DYNLRB2: variants seen among roughly 807,000 people sequenced by gnomAD.
DYNLRB2 encodes dynein light chain roadblock-type 2.
Under a neutral mutation model 12.6 loss-of-function variants are expected in DYNLRB2, and 14 were observed. The ratio of observed to expected loss-of-function variants is 1.11; its 90% CI spans 0.73 to 1.73. The LOEUF is 1.73. Among genes scored for constraint, DYNLRB2 ranks in the 40% most tolerant of loss-of-function variants. The probability of loss-of-function intolerance (pLI) is 0.00; values close to 1 mark genes in which losing one functional copy is unlikely to be tolerated. For synonymous variants in DYNLRB2, 53 were observed against 37.0 expected, an observed-to-expected ratio of 1.43 and a Z score of -1.57; for missense variants, 142 against 117.7, an observed-to-expected ratio of 1.21 and a Z score of -0.95.
intron 2 of DYNLRB2, among the ~76,000 whole-genome samples, chr16:80,544,273 G>C (rs879888235): frequency 2.0e-5 from 3 of 152,168 alleles, no homozygotes; most frequent in Non-Finnish European, 4.4e-5. Context: ...AATAATTGTT[G>C]AGTGCTTGGC....
Position 80,549,568 on chromosome 16 carries a change from G to T in DYNLRB2, c.164G>T (p.Ser55Ile), listed in dbSNP as rs753198482. ...CATCACCTGACAATGAAAGCCAAAA[G>T]CACAGTTCGTGATATTGATCCTCAG... Reference protein sequence around the residue: ...LLHHLTMKAKSTVRDIDPQND... With the variant: ...LLHHLTMKAKITVRDIDPQND... The change falls in exon 3 of 4, where the codon AGC becomes ATC. Residue 55 changes from serine (S) to isoleucine (I), a missense_variant. By Grantham distance (142) the Ser-to-Ile change is moderately radical. Transcript: ENST00000305904. The T allele has an allele frequency of 5.0e-6, 8 of 1,612,892 alleles. No individual in the cohort carries two copies. In the African/African-American group the frequency reaches 9.3e-5, roughly 19 times the overall value.
Position 80,550,684 on chromosome 16 carries a change from C to A in DYNLRB2, c.*126C>A. On this transcript the variant is annotated 3_prime_UTR_variant, in exon 4 of 4. Transcript: ENST00000305904. ...ATTCTTTTCTATTTCTATATCTAAACTGTTCTGCATGTCTCATTTAGTCCC... is the reference window on the plus strand; with the variant it reads ...ATTCTTTTCTATTTCTATATCTAAAATGTTCTGCATGTCTCATTTAGTCCC... 1.9e-6 allele frequency: 2 copies of A among 1,067,332 alleles called. No individual in the cohort carries two copies. The highest frequency in any genetic ancestry group is 1.4e-6 in the Non-Finnish European group (1 of 699,024). The allele number at this position is 1,067,332 out of a possible 1,614,324, so 66.1% of individuals were successfully genotyped here.
rs994879300 is a variant in DYNLRB2 at position 80,550,633 on chromosome 16, A to G, written c.*75A>G. On this transcript the variant is annotated 3_prime_UTR_variant, in exon 4 of 4. Coordinates refer to ENST00000305904, the MANE Select transcript of DYNLRB2 (RefSeq NM_130897.3). ...GCTCTCTCATGAGTATTAAAATTCT[A>G]TTTCAATCTAACTGACCCTTCAAAC... 1.1e-5 allele frequency: 16 copies of G among 1,498,164 alleles called. No individual in the cohort carries two copies. The highest frequency in any genetic ancestry group is 3.4e-5 in the Admixed American group (2 of 59,596). The allele number at this position is 1,498,164 out of a possible 1,614,324, so 92.8% of individuals were successfully genotyped here.
chr16:80,550,422 C>T (rs1242744379), intron 3 of DYNLRB2, 93 bp from the exon 4 acceptor site: 27 of 1,452,280 alleles, frequency 1.9e-5, no homozygotes, highest in African/African-American at 2.8e-5. Flanking sequence ...CACAAGGTCC[C>T]TGTGATGTTT....
At chr16:80,549,720 T>C in intron 3 of DYNLRB2, 69 bp downstream of exon 3, 2 of 1,458,654 alleles carry the variant, frequency 1.4e-6, no homozygotes, top group Non-Finnish European at 1.9e-6. Flanking sequence ...CTTGTTTCTA[T>C]GAATGGTAAG....
chr16:80,541,161 C>T, intron 1 of DYNLRB2, 82 bp downstream of exon 1: 4 of 1,526,928 alleles, frequency 2.6e-6, no homozygotes, highest in Non-Finnish European at 3.5e-6. Context: ...TTCTGGGGCC[C>T]ACCCAGGCAC....
intron 2 of DYNLRB2, chr16:80,547,953 A>G (rs1473171643): frequency 3.1e-6 from 1 of 324,892 alleles, no homozygotes; most frequent in Non-Finnish European, 6.1e-6. Context: ...AGAAAGAGAA[A>G]TCAGTCTTCA....
chr16:80,545,917 C>T (rs1036281537), intron 2 of DYNLRB2, among the ~76,000 whole-genome samples: 1 of 151,796 alleles, frequency 6.6e-6, no homozygotes, highest in African/African-American at 2.4e-5. Context: ...GATCCACCCA[C>T]CTCGGCCTCC....
chr16:80,545,404 TTTA>T (rs1408287711), intron 2 of DYNLRB2, among the ~76,000 whole-genome samples: 1 of 152,136 alleles, frequency 6.6e-6, no homozygotes. Flanking sequence ...TTGAAGACTG[TTTA>T]GTGTCTTGGG....
rs1335620358 is a variant in DYNLRB2, at chr16:80,550,759, T to C, written c.*201T>C. On this transcript the variant is annotated 3_prime_UTR_variant, in exon 4 of 4. Transcript: ENST00000305904. ...CTTTAGTGATACAATAAGTGAATTC[T>C]GGTATATACGTCTCTATTGTCTTAT... is the stretch of plus-strand genomic sequence containing the variant. 3 of 606,850 alleles carry C rather than the reference T, an allele frequency of 4.9e-6. No homozygotes were observed. In the Admixed American group the frequency reaches 8.9e-5, roughly 18 times the overall value. 37.6% of individuals were successfully genotyped at this position (606,850 alleles called of 1,614,324 possible). A position where few individuals can be genotyped will look rare whatever the true frequency, so the allele number is the denominator to read the frequency against.
intron 2 of DYNLRB2, among the ~76,000 whole-genome samples, chr16:80,545,308 A>C (rs4258630): frequency 0.88 from 133,454 of 152,180 alleles, 61,146 homozygotes; most frequent in East Asian, 1. Flanking sequence ...ATAAACAGAA[A>C]AAATAAGTAA....
chr16:80,544,475 GT>G (rs1904332038), intron 2 of DYNLRB2, among the ~76,000 whole-genome samples: 1 of 152,298 alleles, frequency 6.6e-6, no homozygotes, highest in South Asian at 2.1e-4. Context: ...TGCCTTCCAG[GT>G]AAGTCACAAA....
chr16:80,549,335 G>A, intron 2 of DYNLRB2, 149 bp from the exon 3 acceptor site: 1 of 737,504 alleles, frequency 1.4e-6, no homozygotes, highest in Non-Finnish European at 2.0e-6. Flanking sequence ...AAGGATTTGA[G>A]GGAAATAAAC....
chr16:80,549,685 C>G (rs907839404), intron 3 of DYNLRB2, 34 bp downstream of exon 3: 1 of 1,544,112 alleles, frequency 6.5e-7, no homozygotes, highest in African/African-American at 1.4e-5. Context: ...GTTAAATCAT[C>G]TTTCTAATTT....
At chr16:80,550,378 A>G (rs1282230620) in intron 3 of DYNLRB2, 137 bp from the exon 4 acceptor site, 1 of 893,278 alleles carries the variant, frequency 1.1e-6, no homozygotes, top group Non-Finnish European at 1.8e-6. Context: ...CAGGTAATTC[A>G]TACGTGCAGA....
chr16:80,549,327 G>A (rs1904687503), intron 2 of DYNLRB2, 157 bp from the exon 3 acceptor site: 5 of 668,262 alleles, frequency 7.5e-6, no homozygotes, highest in Non-Finnish European at 1.2e-5. Flanking sequence ...AGCGACAAAA[G>A]GATTTGAGGG....
intron 2 of DYNLRB2, chr16:80,548,071 A>T (rs1452805815): frequency 3.5e-6 from 1 of 282,258 alleles, no homozygotes; most frequent in Non-Finnish European, 7.0e-6. Context: ...TCGTTTCTGG[A>T]CCCACATTCT....
intron 2 of DYNLRB2, chr16:80,549,234 T>G: frequency 2.4e-6 from 1 of 419,522 alleles, no homozygotes; most frequent in Non-Finnish European, 4.4e-6. Context: ...AAGGACAACT[T>G]GTATGTTATA....
chr16:80,549,054 G>A (rs1904669012), intron 2 of DYNLRB2: 3 of 455,190 alleles, frequency 6.6e-6, no homozygotes, highest in Admixed American at 2.4e-5. Flanking sequence ...TAGTACTCAA[G>A]TAGTCAGTTA....
Sources: allele counts gnomAD v4.1 joint callset (sites outside exome capture counted in the v4.1 genomes callset), GRCh38; gene constraint gnomAD v4.1.1; transcripts MANE v1.5; gene names NCBI Gene and HGNC (gene_info 2026-07-23, HGNC 2026-07-21).